CLYBL: variants seen among roughly 807,000 people sequenced by gnomAD.
The protein encoded by CLYBL is citramalyl-CoA lyase.
In CLYBL, 31 loss-of-function variants were observed where a neutral mutation model predicts 38.9. The ratio of observed to expected loss-of-function variants is 0.80; its 90% CI spans 0.60 to 1.08. The LOEUF is 1.08. Ranked by LOEUF, CLYBL falls within the 50% of genes least tolerant of loss-of-function variation. The pLI is 0.00. For missense variants in CLYBL, 434 were observed against 411.6 expected (o/e 1.05, Z -0.47); for synonymous variants, 171 against 158.6 (o/e 1.08, Z -0.59).
At chr13:99,742,178 C>T (rs948055403) in intron 1 of CLYBL, among the ~76,000 whole-genome samples, 4 of 152,154 alleles carry the variant, frequency 2.6e-5, no homozygotes, top group African/African-American at 7.2e-5. Flanking sequence ...CACTCGGTTC[C>T]GGGAGCCCTT....
At chr13:99,794,607 T>TATTATTATTA (rs1566329958) in intron 2 of CLYBL, among the ~76,000 whole-genome samples, 4 of 150,158 alleles carry the variant, frequency 2.7e-5, no homozygotes, top group Admixed American at 6.6e-5. Context: ...TTATTATTAT[T>TATTATTATTA]TTGAGATGGA....
chr13:99,830,940 G>T (rs571699166), intron 2 of CLYBL, among the ~76,000 whole-genome samples: 1 of 152,118 alleles, frequency 6.6e-6, no homozygotes, highest in Non-Finnish European at 1.5e-5. Flanking sequence ...ATCTGGGTGG[G>T]CCCAAAATCC....
chr13:99,621,712 A>T (rs1251245120), intron 1 of CLYBL, among the ~76,000 whole-genome samples: 1 of 151,926 alleles, frequency 6.6e-6, no homozygotes, highest in Non-Finnish European at 1.5e-5. Flanking sequence ...ATACGACCCA[A>T]CACAAATTTG....
chr13:99,851,367 CAAAAAAAAAAAAAA>C (rs35539387), intron 2 of CLYBL, among the ~76,000 whole-genome samples: 1 of 63,100 alleles, frequency 1.6e-5, no homozygotes, highest in Non-Finnish European at 2.8e-5. Context: ...AAGTCCACCT[CAAAAAAAAAAAAAA>C]AAAAAAAAAG....
chr13:99,628,314 C>G (rs933477994), intron 1 of CLYBL, among the ~76,000 whole-genome samples: 9 of 152,194 alleles, frequency 5.9e-5, no homozygotes, highest in African/African-American at 2.2e-4. Flanking sequence ...TCACAACATC[C>G]CTCTCTCCAG....
chr13:99,896,044 G>A (rs11842450), downstream of CLYBL: 4 of 151,334 alleles, frequency 2.6e-5, no homozygotes, highest in Admixed American at 6.6e-5. Flanking sequence ...CGCAGACGCC[G>A]AGCCCTGCGG....
At chr13:99,606,886 G>A in intron 1 of CLYBL, 129 bp downstream of exon 1, 2 of 1,264,796 alleles carry the variant, frequency 1.6e-6, no homozygotes, top group Non-Finnish European at 2.0e-6. Flanking sequence ...GAAGCACCAT[G>A]CGCCTCCCAC....
chr13:99,820,171 C>G (rs1371080081), intron 2 of CLYBL, among the ~76,000 whole-genome samples: 4 of 152,136 alleles, frequency 2.6e-5, no homozygotes, highest in African/African-American at 4.8e-5. Flanking sequence ...GCTGACACTT[C>G]TGCATGAGCT....
intron 1 of CLYBL, among the ~76,000 whole-genome samples, chr13:99,703,380 T>G (rs2048098370): frequency 6.9e-6 from 1 of 144,154 alleles, no homozygotes. Context: ...GTTTGCTTGG[T>G]TTTTTTTTGA....
At chr13:99,900,028 G>T (rs979257987), downstream of CLYBL, among the ~76,000 whole-genome samples, 2 of 152,068 alleles carry the variant, frequency 1.3e-5, no homozygotes, top group Non-Finnish European at 2.9e-5. Context: ...CTGGGTTCAA[G>T]CAATTCTCCT....
chr13:99,835,769 T>C (rs2050920710), intron 2 of CLYBL, among the ~76,000 whole-genome samples: 1 of 152,182 alleles, frequency 6.6e-6, no homozygotes, highest in Admixed American at 6.5e-5. Context: ...GAAGGCCTTT[T>C]TCCCCCAGCA....
At chr13:99,706,993 C>T (rs1321584585) in intron 1 of CLYBL, among the ~76,000 whole-genome samples, 2 of 151,800 alleles carry the variant, frequency 1.3e-5, no homozygotes, top group African/African-American at 2.4e-5. Context: ...TTTGTAGAGA[C>T]GGATCCTGCT....
chr13:99,772,037 G>A (rs1191184414), intron 1 of CLYBL, among the ~76,000 whole-genome samples: 1 of 152,076 alleles, frequency 6.6e-6, no homozygotes, highest in Admixed American at 6.5e-5. Context: ...TGTTAAAATT[G>A]GATGTGAATC....
At chr13:99,765,739 T>G (rs2049256066) in intron 1 of CLYBL, among the ~76,000 whole-genome samples, 1 of 152,006 alleles carries the variant, frequency 6.6e-6, no homozygotes, top group South Asian at 2.1e-4. Context: ...GAGACAGGGT[T>G]TTGCCATGTT....
intron 7 of CLYBL, among the ~76,000 whole-genome samples, chr13:99,879,500 CATTTG>C (rs2052139822): frequency 6.6e-6 from 1 of 152,180 alleles, no homozygotes; most frequent in South Asian, 2.1e-4. Flanking sequence ...AGATCATCTG[CATTTG>C]ATTAGCGTCT....
chr13:99,698,536 A>G (rs964570579), intron 1 of CLYBL, among the ~76,000 whole-genome samples: 1 of 152,160 alleles, frequency 6.6e-6, no homozygotes, highest in African/African-American at 2.4e-5. Flanking sequence ...GGAGGCCCAC[A>G]TTTCCACTGG....
intron 1 of CLYBL, among the ~76,000 whole-genome samples, chr13:99,607,591 C>T (rs929634075): frequency 6.6e-6 from 1 of 152,134 alleles, no homozygotes; most frequent in African/African-American, 2.4e-5. Flanking sequence ...ATTTGGTTCC[C>T]TTGACCACCA....
chr13:99,850,441 A>G (rs1594220411), intron 2 of CLYBL, among the ~76,000 whole-genome samples: 1 of 152,246 alleles, frequency 6.6e-6, no homozygotes, highest in Admixed American at 6.5e-5. Context: ...AGAAATGCAA[A>G]ACAAAACCCA....
At chr13:99,735,879 CT>C (rs1268364975) in intron 1 of CLYBL, among the ~76,000 whole-genome samples, 1 of 152,042 alleles carries the variant, frequency 6.6e-6, no homozygotes, top group African/African-American at 2.4e-5. Flanking sequence ...CCCTAATACA[CT>C]GTAGATACCT....
Sources: gnomAD v4.1 joint callset for allele counts (sites outside exome capture counted in the v4.1 genomes callset) on GRCh38, gnomAD v4.1.1 for gene constraint, MANE v1.5 for transcripts, NCBI Gene and HGNC (gene_info 2026-07-23, HGNC 2026-07-21) for gene names.